Variants in BARD1 observed in about 807,000 individuals in gnomAD.
BARD1 encodes BRCA1-associated RING domain protein 1.
BARD1 carries 73 observed loss-of-function variants against 77.0 expected under a neutral mutation model. That is an observed-to-expected ratio of 0.95 (90% CI 0.79 to 1.15). The LOEUF (loss-of-function observed/expected upper bound fraction) is 1.15. Ranked by LOEUF, BARD1 falls within the 50% of genes most tolerant of loss-of-function variation. The pLI is 0.00. For missense variants in BARD1, 993 were observed against 938.8 expected (o/e 1.06, Z -0.75); for synonymous variants, 384 against 338.0 (o/e 1.14, Z -1.49).
intron 9 of BARD1, among the ~76,000 whole-genome samples, chr2:214,741,656 C>T (rs575465470): frequency 1.3e-5 from 2 of 152,192 alleles, no homozygotes; most frequent in South Asian, 4.2e-4. Flanking sequence ...GAAGGAGGGA[C>T]TTTTCTTATC....
intron 2 of BARD1, among the ~76,000 whole-genome samples, chr2:214,792,866 C>CTGTTTG: frequency 6.6e-6 from 1 of 152,126 alleles, no homozygotes. Context: ...TATCTCAAGG[C>CTGTTTG]TTTAAAGTAG....
intron 4 of BARD1, among the ~76,000 whole-genome samples, chr2:214,770,747 C>T (rs1004228643): frequency 6.6e-6 from 1 of 152,108 alleles, no homozygotes; most frequent in Non-Finnish European, 1.5e-5. Flanking sequence ...AAAATAGCTT[C>T]CCTCTGCTGC....
chr2:214,745,156 G>C lies in BARD1; in HGVS notation c.1814C>G (p.Thr605Ser), dbSNP rs752292843. The C allele has an allele frequency of 6.2e-7, 1 of 1,613,226 alleles. No homozygotes were observed. The highest frequency in any genetic ancestry group is 1.1e-5 in the South Asian group (1 of 91,048). ...KKYTEFDSTV[T>S]HVVVPGDAVQ... ...TGCATCACCAGGAACAACAACATGA[G>C]TTACTAAAATACAAAAAAAGCAGTA... Residue 605 changes from threonine (T) to serine (S), a missense_variant, in exon 9 of 11, where the codon ACT (threonine) becomes AGT (serine). Thr to Ser is a moderately conservative substitution (Grantham distance 58). Coordinates refer to ENST00000260947, the MANE Select transcript of BARD1 (RefSeq NM_000465.4).
Position 214,780,635 on chromosome 2 carries a change from T to C in BARD1, c.1239A>G (p.Ala413=), listed in dbSNP as rs765212498. ...CAGCCATATTGGGCAACAGCTTCATTGCTGAGGGACTAGACATCACTCGCC... is the reference window on the plus strand; with the variant it reads ...CAGCCATATTGGGCAACAGCTTCATCGCTGAGGGACTAGACATCACTCGCC... ...SYRRVMSSPS[A]MKLLPNMAVK... Residue 413 remains alanine (A), a synonymous_variant, in exon 4 of 11, where the codon GCA becomes GCG. Transcript: ENST00000260947. The C allele has an allele frequency of 2.5e-6, 4 of 1,614,006 alleles. No homozygotes were observed. Among genetic ancestry groups the C allele is most frequent in the Non-Finnish European group, 2.5e-6 (3 of 1,179,984 alleles).
intron 6 of BARD1, among the ~76,000 whole-genome samples, chr2:214,752,937 T>C (rs1045316810): frequency 6.6e-6 from 1 of 152,126 alleles, no homozygotes. Flanking sequence ...AAAAATTAGA[T>C]AAATTCACAG....
chr2:214,785,944 G>A (rs1695254754), intron 3 of BARD1, among the ~76,000 whole-genome samples: 1 of 151,818 alleles, frequency 6.6e-6, no homozygotes, highest in Admixed American at 6.6e-5. Flanking sequence ...GAGAGACAGA[G>A]AAAAAGAGAG....
rs1060501308 is a variant in BARD1, at chr2:214,797,065, A to C, written c.211T>G (p.Cys71Gly). 3.1e-6 allele frequency: 5 copies of C among 1,611,028 alleles called. No homozygotes were observed. Among genetic ancestry groups the C allele is most frequent in the Non-Finnish European group, 3.4e-6 (4 of 1,177,310 alleles). ...VCLGGCEHIF[C>G]SNCVSDCIGT... ...CATCAAACCGTAATTACTTACCTAC[A>C]GAAGATGTGCTCACATCCTCCTAAA... is the stretch of plus-strand genomic sequence containing the variant. The change falls in exon 2 of 11, where the codon TGT (cysteine) becomes GGT (glycine). Residue 71 changes from cysteine to glycine, a missense_variant. Transcript: ENST00000260947.
intron 1 of BARD1, among the ~76,000 whole-genome samples, chr2:214,804,595 G>T (rs998279232): frequency 6.6e-6 from 1 of 152,156 alleles, no homozygotes; most frequent in Non-Finnish European, 1.5e-5. Context: ...CTGCAAACTG[G>T]AGAGAACTTT....
intron 9 of BARD1, chr2:214,730,998 C>T (rs1692330151): frequency 2.3e-6 from 1 of 435,110 alleles, no homozygotes; most frequent in Non-Finnish European, 4.6e-6. Flanking sequence ...TAGTCTACAG[C>T]ACCAAGCTCA....
rs1227014913 is a variant in BARD1, at chr2:214,747,859, T to TAATAA, written c.1678-2010_1678-2006dup. On this transcript the variant is annotated intron_variant, in intron 7 of 10. Coordinates refer to ENST00000260947, the MANE Select transcript of BARD1 (RefSeq NM_000465.4). ...TACCCTAAAACTTAAAGTATAATAA[T>TAATAA]AATAAAATAAAATAAAATAAAATAA... Among the ~76,000 whole-genome samples, 143 of 149,596 alleles carry TAATAA rather than the reference T, an allele frequency of 9.6e-4. 3 individuals carry two copies. In the East Asian group the frequency reaches 0.01, roughly 10 times the overall value.
intron 7 of BARD1, 28 bp from the exon 8 acceptor site, chr2:214,745,882 T>C (rs1413788876): frequency 6.2e-7 from 1 of 1,613,010 alleles, no homozygotes; most frequent in Non-Finnish European, 8.5e-7. Context: ...GATACCAGTG[T>C]TAAAAACATT....
chr2:214,751,387 T>C (rs769895101), intron 7 of BARD1, among the ~76,000 whole-genome samples: 11 of 151,188 alleles, frequency 7.3e-5, no homozygotes, highest in Non-Finnish European at 8.8e-5. Context: ...GGTCTCAGAC[T>C]CCTGACCTCA....
intron 6 of BARD1, among the ~76,000 whole-genome samples, chr2:214,764,036 T>A (rs723905): frequency 6.6e-6 from 1 of 151,978 alleles, no homozygotes; most frequent in Non-Finnish European, 1.5e-5. Flanking sequence ...TGGATGCCAA[T>A]TGGGCAAAAG....
rs1574742689 is a variant in BARD1, at chr2:214,747,276, A to C, written c.1678-1422T>G. ...GTTAGTGGGACTGTAAACTAGTTCAACCTTTGTGGAAGTCAGTGTGGCGAT... is the reference window on the plus strand; with the variant it reads ...GTTAGTGGGACTGTAAACTAGTTCACCCTTTGTGGAAGTCAGTGTGGCGAT... On this transcript the variant is annotated intron_variant, in intron 7 of 10. Coordinates refer to ENST00000260947, the MANE Select transcript of BARD1 (RefSeq NM_000465.4). Among the ~76,000 whole-genome samples, 4 of 151,844 alleles carry C rather than the reference A, an allele frequency of 2.6e-5. No individual in the cohort carries two copies. The South Asian group carries it at 8.3e-4, about 32-fold the overall frequency.
Position 214,782,623 on chromosome 2 carries a change from A to C in BARD1, c.365-1114T>G, listed in dbSNP as rs181813515. Among the ~76,000 whole-genome samples the C allele has an allele frequency of 2.2e-4, 33 of 152,282 alleles. No individual in the cohort carries two copies. The East Asian group carries it at 6.0e-3, about 28-fold the overall frequency. ...AAGAAAAAAAATTGTCTCTATGTACACAAAGTGCCAGATTTTGTGAGAGAT... is the reference window on the plus strand; with the variant it reads ...AAGAAAAAAAATTGTCTCTATGTACCCAAAGTGCCAGATTTTGTGAGAGAT... On this transcript the variant is annotated intron_variant, in intron 3 of 10. Transcript: ENST00000260947.
chr2:214,776,613 A>G (rs1034327997), intron 4 of BARD1, among the ~76,000 whole-genome samples: 13 of 152,200 alleles, frequency 8.5e-5, no homozygotes, highest in African/African-American at 3.1e-4. Context: ...TGTTACATAG[A>G]GAACTGACTG....
At chr2:214,747,210 G>A (rs903412372) in intron 7 of BARD1, among the ~76,000 whole-genome samples, 1 of 152,018 alleles carries the variant, frequency 6.6e-6, no homozygotes, top group Non-Finnish European at 1.5e-5. Flanking sequence ...GAAACAACAG[G>A]TGTTGGAGAG....
At chr2:214,776,951 G>A (rs1038482516) in intron 4 of BARD1, among the ~76,000 whole-genome samples, 1 of 152,058 alleles carries the variant, frequency 6.6e-6, no homozygotes, top group Non-Finnish European at 1.5e-5. Context: ...GAATGTGAGA[G>A]TCTCTAGAAC....
intron 7 of BARD1, among the ~76,000 whole-genome samples, chr2:214,752,217 T>G (rs1693486385): frequency 6.6e-6 from 1 of 152,234 alleles, no homozygotes. Context: ...ACCAGTCATA[T>G]TCATTGTTTT....
Sources: allele counts gnomAD v4.1 joint callset (sites outside exome capture counted in the v4.1 genomes callset), GRCh38; gene constraint gnomAD v4.1.1; transcripts MANE v1.5; gene names NCBI Gene and HGNC (gene_info 2026-07-23, HGNC 2026-07-21).